FMR1: variants seen among roughly 807,000 people sequenced by gnomAD.
The protein encoded by FMR1 is FMRP translational regulator 1.
FMR1 carries 13 observed loss-of-function variants against 50.6 expected under a neutral mutation model. The observed-to-expected ratio is 0.26, with a 90% CI of 0.17 to 0.41. FMR1 has a LOEUF of 0.41. Among genes scored for constraint, FMR1 ranks in the 10% least tolerant of loss-of-function variants. The pLI is 1.00. For missense variants in FMR1, 316 were observed against 491.3 expected (o/e 0.64, Z 3.37); for synonymous variants, 138 against 164.1 (o/e 0.84, Z 1.22).
At chrX:147,921,291 A>G (rs1486313598) in intron 1 of FMR1, among the ~76,000 whole-genome samples, 35 of 111,201 alleles carry the variant, frequency 3.1e-4, no homozygotes, top group Non-Finnish European at 2.1e-4. Flanking sequence ...CTTTGTGTAG[A>G]TTACTAACAA....
At chrX:147,937,746 AC>A in intron 11 of FMR1, 146 bp downstream of exon 11, 1 of 493,278 alleles carries the variant, frequency 2.0e-6, no homozygotes. Flanking sequence ...CTTATGAGAT[AC>A]TACAAATTAG....
chrX:147,937,257 T>C (rs782429224), intron 10 of FMR1, among the ~76,000 whole-genome samples: 2 of 112,092 alleles, frequency 1.8e-5, no homozygotes, highest in South Asian at 3.6e-4. Context: ...TTTTCACATA[T>C]TGTCTAGCTT....
At chrX:147,942,519 G>C (rs1017413107) in intron 13 of FMR1, among the ~76,000 whole-genome samples, 11 of 112,366 alleles carry the variant, frequency 9.8e-5, no homozygotes, top group African/African-American at 3.2e-4. Flanking sequence ...AGACCTAGCT[G>C]TCTGGTCAGC....
intron 7 of FMR1, among the ~76,000 whole-genome samples, chrX:147,931,212 TTTGA>T (rs1184565987): frequency 8.9e-6 from 1 of 111,887 alleles, no homozygotes; most frequent in Non-Finnish European, 1.9e-5. Flanking sequence ...GCCTCCTTAC[TTTGA>T]TTGTGAGTAT....
chrX:147,929,429 C>T (rs1427887230), intron 5 of FMR1, among the ~76,000 whole-genome samples: 1 of 110,634 alleles, frequency 9.0e-6, no homozygotes, highest in Non-Finnish European at 1.9e-5. Context: ...ATTTTTGTGC[C>T]TTCTGGTTCA....
At chrX:147,937,413 A>T in intron 10 of FMR1, 53 bp from the exon 11 acceptor site, 1 of 791,174 alleles carries the variant, frequency 1.3e-6, no homozygotes, top group Non-Finnish European at 2.0e-6. Flanking sequence ...GAGCTAAATA[A>T]AGTCTTAAAT....
chrX:147,924,165 G>A (rs1435468788), intron 2 of FMR1, among the ~76,000 whole-genome samples: 1 of 111,258 alleles, frequency 9.0e-6, no homozygotes, highest in African/African-American at 3.3e-5. Context: ...AGCAATGAAT[G>A]TATAACATCT....
rs1557182627 is a variant in FMR1, at chrX:147,948,718, C to G, written c.1773C>G (p.His591Gln). 3.3e-6 allele frequency: 4 copies of G among 1,209,931 alleles called. No individual in the cohort carries two copies. Among genetic ancestry groups the G allele is most frequent in the Non-Finnish European group, 4.5e-6 (4 of 895,169 alleles). The change falls in exon 17 of 17, where the codon CAC (histidine) becomes CAG (glutamine). Residue 591 changes from histidine (H) to glutamine (Q), a missense_variant. Around this residue, in one of 4 missense-constraint regions of FMR1, gnomAD observed 124 missense variants for 160.8 expected, o/e 0.77. Transcript: ENST00000370475. ...RVDCNNERSV[H>Q]TKTLQNTSSE... is the part of the protein sequence containing the mutation. ...ACTGCAATAATGAAAGGAGTGTCCACACTAAAACATTACAGAATACCTCCA... is the reference window on the plus strand; with the variant it reads ...ACTGCAATAATGAAAGGAGTGTCCAGACTAAAACATTACAGAATACCTCCA...
rs782049946 is a variant in FMR1, at chrX:147,939,718, G to A, written c.1189-858G>A. Among the ~76,000 whole-genome samples the A allele has an allele frequency of 8.4e-5, 7 of 83,128 alleles. No homozygotes were observed. The East Asian group carries it at 1.9e-3, about 23-fold the overall frequency. The allele number at this position is 83,128 out of a possible 115,157, so 72.2% of individuals were successfully genotyped here. A position where few individuals can be genotyped will look rare whatever the true frequency, so the allele number is the denominator to read the frequency against. ...TCGAGACCAGCCTGGGCAATGTGGC[G>A]AAACCCCGTCTCTACAGAAAGTACA... On this transcript the variant is annotated intron_variant, in intron 12 of 16. Transcript: ENST00000370475.
At chrX:147,936,414 C>T in intron 9 of FMR1, 90 bp from the exon 10 acceptor site, 1 of 575,698 alleles carries the variant, frequency 1.7e-6, no homozygotes, top group Non-Finnish European at 3.0e-6. Flanking sequence ...AAATATCTAT[C>T]TATATGAATG....
rs145670599 is a variant in FMR1 at position 147,946,723 on chromosome X, T to C, written c.1737+1107T>C. ...TCTATGTTGTCGTCTACTTTTTCTGTAACTTTTAATTATTAAGTAGTTAGG... is the reference window on the plus strand; with the variant it reads ...TCTATGTTGTCGTCTACTTTTTCTGCAACTTTTAATTATTAAGTAGTTAGG... On this transcript the variant is annotated intron_variant, in intron 16 of 16. Coordinates refer to ENST00000370475, the MANE Select transcript of FMR1 (RefSeq NM_002024.6). Among the ~76,000 whole-genome samples the C allele has an allele frequency of 1.7e-3, 188 of 112,588 alleles. 1 individual carries two copies. The highest frequency in any genetic ancestry group is 5.7e-3 in the African/African-American group (178 of 31,035).
In FMR1 at chrX:147,949,074, A is replaced by G. The variant is rs2044263935; in HGVS notation, c.*230A>G. The G allele has an allele frequency of 6.2e-6, 3 of 484,968 alleles. No homozygotes were observed. In the East Asian group the frequency reaches 1.2e-4, roughly 19 times the overall value. 40.0% of individuals were successfully genotyped at this position (484,968 alleles called of 1,213,427 possible). ...TGAAACATTGCTTTTAAAACTACTT[A>G]GCACTTCAGGGCAGATTTTAGTTTT... is the stretch of plus-strand genomic sequence containing the variant. On this transcript the variant is annotated 3_prime_UTR_variant, in exon 17 of 17. Transcript: ENST00000370475.
intron 10 of FMR1, 81 bp downstream of exon 10, chrX:147,936,694 T>G (rs951551613): frequency 1.7e-6 from 1 of 581,249 alleles, no homozygotes; most frequent in Non-Finnish European, 3.0e-6. Context: ...ACCTCTAATA[T>G]GTGCATAAAG....
intron 16 of FMR1, among the ~76,000 whole-genome samples, chrX:147,946,036 C>T (rs1206441535): frequency 9.0e-6 from 1 of 111,451 alleles, no homozygotes; most frequent in Non-Finnish European, 1.9e-5. Flanking sequence ...ACTACCATGC[C>T]CAGCTAATTT....
At chrX:147,918,934 T>C (rs1348057750) in intron 1 of FMR1, among the ~76,000 whole-genome samples, 1 of 111,260 alleles carries the variant, frequency 9.0e-6, no homozygotes, top group Non-Finnish European at 1.9e-5. Context: ...CTATGGTAGA[T>C]GGCATAGTTT....
chrX:147,935,524 A>G (rs782752853), intron 9 of FMR1, among the ~76,000 whole-genome samples: 4 of 112,395 alleles, frequency 3.6e-5, no homozygotes, highest in South Asian at 3.6e-4. Context: ...GATGTGGCCA[A>G]TGTAAGGGTA....
At chrX:147,934,753 G>A (rs575313092) in intron 9 of FMR1, among the ~76,000 whole-genome samples, 2 of 111,871 alleles carry the variant, frequency 1.8e-5, no homozygotes, top group Admixed American at 1.9e-4. Flanking sequence ...TTTAGAGATG[G>A]TCCACTGCAA....
At chrX:147,942,614 A>G (rs781865762) in intron 13 of FMR1, among the ~76,000 whole-genome samples, 127 of 112,432 alleles carry the variant, frequency 1.1e-3, no homozygotes, top group African/African-American at 4.0e-3. Flanking sequence ...ACCATAGTAT[A>G]TGTTCTTTTA....
In FMR1 at chrX:147,930,209, A is replaced by T; in HGVS notation, c.595A>T (p.Ile199Leu). ...FRSLRTKLSL[I>L]MRNEEASKQL... Reference sequence around the variant, plus strand: ...GAGTCTGCGCACTAAGTTGTCTCTGATAATGAGAAATGAAGAAGCTAGTAA... The same window carrying T: ...GAGTCTGCGCACTAAGTTGTCTCTGTTAATGAGAAATGAAGAAGCTAGTAA... The change falls in exon 7 of 17, where the codon ATA (isoleucine) becomes TTA (leucine). Residue 199 changes from isoleucine (I) to leucine (L), a missense_variant. By Grantham distance (5) the Ile-to-Leu change is conservative. Coordinates refer to ENST00000370475, the MANE Select transcript of FMR1 (RefSeq NM_002024.6). 1 of 1,201,170 alleles carries T rather than the reference A, an allele frequency of 8.3e-7. No individual in the cohort carries two copies. Among genetic ancestry groups the T allele is most frequent in the Non-Finnish European group, 1.1e-6 (1 of 885,882 alleles).
Sources: allele counts gnomAD v4.1 joint callset (sites outside exome capture counted in the v4.1 genomes callset), GRCh38; gene constraint gnomAD v4.1.1; regional missense constraint gnomAD v4.1.1; transcripts MANE v1.5; gene names NCBI Gene and HGNC (gene_info 2026-07-23, HGNC 2026-07-21).